Variants in PLCG2 observed in about 807,000 individuals in gnomAD.
PLCG2 encodes the protein 1-phosphatidylinositol 4,5-bisphosphate phosphodiesterase gamma-2.
PLCG2 carries 69 observed loss-of-function variants against 175.6 expected under a neutral mutation model. The observed-to-expected ratio is 0.39, with a 90% confidence interval of 0.32 to 0.48. The LOEUF (loss-of-function observed/expected upper bound fraction) is 0.48, where lower values mean the gene tolerates loss of function less well. Ranked by LOEUF, PLCG2 falls within the 20% of genes least tolerant of loss-of-function variation. PLCG2 has a pLI of 0.91. For synonymous variants in PLCG2, 827 were observed against 624.0 expected (o/e 1.33, Z -4.85); for missense variants, 1,798 against 1,650.9 (o/e 1.09, Z -1.54).
At chr16:81,841,025 T>A (rs190728614) in intron 2 of PLCG2, among the ~76,000 whole-genome samples, 9 of 152,252 alleles carry the variant, frequency 5.9e-5, no homozygotes, top group Admixed American at 5.9e-4. Flanking sequence ...TATGAAGCAT[T>A]AGAATCACAG....
chr16:81,825,292 T>C (rs1475190538), intron 2 of PLCG2, among the ~76,000 whole-genome samples: 1 of 145,086 alleles, frequency 6.9e-6, no homozygotes, highest in Non-Finnish European at 1.5e-5. Flanking sequence ...AATTTTTTTT[T>C]TTTTTTTTTT....
intron 1 of PLCG2, among the ~76,000 whole-genome samples, chr16:81,752,056 T>C (rs1909822974): frequency 6.6e-6 from 1 of 151,192 alleles, no homozygotes; most frequent in Non-Finnish European, 1.5e-5. Flanking sequence ...AATATATGTA[T>C]ATAATATATA....
At chr16:81,796,410 T>C (rs918039834) in intron 2 of PLCG2, among the ~76,000 whole-genome samples, 3 of 152,192 alleles carry the variant, frequency 2.0e-5, no homozygotes, top group African/African-American at 7.2e-5. Flanking sequence ...GCTTTGGAGA[T>C]CAGTATCCTT....
intron 18 of PLCG2, among the ~76,000 whole-genome samples, chr16:81,911,552 C>G (rs1316014908): frequency 6.6e-6 from 1 of 151,994 alleles, no homozygotes; most frequent in Non-Finnish European, 1.5e-5. Flanking sequence ...ATCCTCCCAC[C>G]TCAGCCTCCT....
chr16:81,943,839 C>T (rs187214121), intron 30 of PLCG2, among the ~76,000 whole-genome samples: 43 of 152,228 alleles, frequency 2.8e-4, no homozygotes, highest in Middle Eastern at 6.8e-3. Context: ...AGCAATGTCC[C>T]CATAAACCCT....
intron 1 of PLCG2, among the ~76,000 whole-genome samples, chr16:81,755,468 A>C (rs547866018): frequency 1.3e-5 from 2 of 151,882 alleles, no homozygotes; most frequent in African/African-American, 4.8e-5. Context: ...GGCCTCCCAA[A>C]GTGCTGGGAT....
chr16:81,889,276 G>A lies in PLCG2; in HGVS notation c.867+3G>A, dbSNP rs747502120. On this transcript the variant is annotated splice_donor_region_variant and intron_variant, in intron 10 of 32. Transcript: ENST00000564138. Reference sequence around the variant, plus strand: ...AGCCTTTCTTGTTTGTGGATGAGGTGAGTAGGCTGGGCTTGTTGTCGCTTG... The same window carrying A: ...AGCCTTTCTTGTTTGTGGATGAGGTAAGTAGGCTGGGCTTGTTGTCGCTTG... 7 of 1,549,676 alleles carry A rather than the reference G, an allele frequency of 4.5e-6. No homozygotes were observed. In the South Asian group the frequency reaches 8.0e-5, roughly 18 times the overall value.
chr16:81,872,478 T>TA (rs1907563178), intron 7 of PLCG2, among the ~76,000 whole-genome samples: 1 of 152,226 alleles, frequency 6.6e-6, no homozygotes. Flanking sequence ...GAAGGATAGT[T>TA]ACCTTTTCTT....
At chr16:81,884,394 A>G (rs1379861512) in intron 9 of PLCG2, among the ~76,000 whole-genome samples, 1 of 152,146 alleles carries the variant, frequency 6.6e-6, no homozygotes, top group African/African-American at 2.4e-5. Flanking sequence ...CAAAAAAAAA[A>G]AAGTCAAAGA....
intron 2 of PLCG2, among the ~76,000 whole-genome samples, chr16:81,788,193 G>C (rs899227124): frequency 6.6e-6 from 1 of 152,184 alleles, no homozygotes; most frequent in Non-Finnish European, 1.5e-5. Context: ...TGGTAGAAAA[G>C]GGTGATCGTT....
In PLCG2 at chr16:81,907,741, C is replaced by G; in HGVS notation, c.1524C>G (p.Asp508Glu). The change falls in exon 16 of 33, where the codon GAC becomes GAG. Residue 508 changes from aspartate to glutamate, a missense_variant. Coordinates refer to ENST00000564138, the MANE Select transcript of PLCG2 (RefSeq NM_002661.5). ...ATGCCAAGCTGTCCTTCAGTGATGA[C>G]ATTGAACAGACTATGGAGGAGGAAG... Reference protein sequence around the residue: ...IADAKLSFSDDIEQTMEEEVP... With the variant: ...IADAKLSFSDEIEQTMEEEVP... 6.2e-7 allele frequency: 1 copy of G among 1,613,946 alleles called. No individual in the cohort carries two copies. The highest frequency in any genetic ancestry group is 8.5e-7 in the Non-Finnish European group (1 of 1,179,852).
At chr16:81,792,782 C>A (rs1176289272) in intron 2 of PLCG2, among the ~76,000 whole-genome samples, 1 of 152,102 alleles carries the variant, frequency 6.6e-6, no homozygotes, top group Non-Finnish European at 1.5e-5. Flanking sequence ...ATTCAATTAC[C>A]TCCCACTGGG....
intron 5 of PLCG2, 53 bp from the exon 6 acceptor site, chr16:81,869,161 C>T: frequency 1.5e-6 from 2 of 1,364,986 alleles, no homozygotes; most frequent in Non-Finnish European, 2.1e-6. Flanking sequence ...CAGCTAAATC[C>T]TGTGCTGTTG....
At chr16:81,931,453 C>T (rs1299979088) in intron 24 of PLCG2, 44 bp from the exon 25 acceptor site, 7 of 1,593,204 alleles carry the variant, frequency 4.4e-6, no homozygotes, top group Non-Finnish European at 6.0e-6. Flanking sequence ...CTTTGTGGCC[C>T]TCTAATAGGC....
chr16:81,933,294 T>C (rs999956143), intron 25 of PLCG2, among the ~76,000 whole-genome samples: 4 of 152,232 alleles, frequency 2.6e-5, no homozygotes, highest in Non-Finnish European at 5.9e-5. Flanking sequence ...GCTACCCCTT[T>C]TGCGGAGCTG....
chr16:81,868,987 G>C (rs143465688), intron 5 of PLCG2, among the ~76,000 whole-genome samples: 1 of 152,242 alleles, frequency 6.6e-6, no homozygotes, highest in Non-Finnish European at 1.5e-5. Flanking sequence ...ACCCTACCCT[G>C]TGAGTCTGCT....
chr16:81,897,914 A>G (rs545742714), intron 13 of PLCG2: 19 of 452,908 alleles, frequency 4.2e-5, no homozygotes, highest in South Asian at 1.4e-4. Flanking sequence ...CTGTGAGACA[A>G]TGAAATTATG....
intron 2 of PLCG2, among the ~76,000 whole-genome samples, chr16:81,806,662 T>A (rs1364025142): frequency 6.6e-6 from 1 of 151,666 alleles, no homozygotes; most frequent in Admixed American, 6.6e-5. Flanking sequence ...TTTTTATATA[T>A]GGAAAGAAAT....
At chr16:81,833,419 C>T (rs1905351244) in intron 2 of PLCG2, among the ~76,000 whole-genome samples, 1 of 151,990 alleles carries the variant, frequency 6.6e-6, no homozygotes, top group East Asian at 1.9e-4. Flanking sequence ...GTGGCCGTTC[C>T]CTGTGGGTGA....
Sources: gnomAD v4.1 joint callset for allele counts (sites outside exome capture counted in the v4.1 genomes callset) on GRCh38, gnomAD v4.1.1 for gene constraint, MANE v1.5 for transcripts, NCBI Gene and HGNC (gene_info 2026-07-23, HGNC 2026-07-21) for gene names.